Variants in FAM184B observed in about 807,000 individuals in gnomAD.
FAM184B encodes the protein family with sequence similarity 184 member B.
Under a neutral mutation model 135.9 loss-of-function variants are expected in FAM184B, and 111 were observed. The observed-to-expected ratio is 0.82, with a 90% CI of 0.70 to 0.96. The LOEUF (loss-of-function observed/expected upper bound fraction) is 0.96, where lower values mean the gene tolerates loss of function less well. FAM184B is among the 40% of genes least tolerant of loss of function. The pLI, the probability that FAM184B is intolerant of heterozygous loss-of-function variation, is 0.00. For missense variants in FAM184B, 1,375 were observed against 1,323.9 expected (o/e 1.04, Z -0.60); for synonymous variants, 552 against 524.8 (o/e 1.05, Z -0.71).
At chr4:17,700,256 A>G (rs1560179795) in intron 5 of FAM184B, among the ~76,000 whole-genome samples, 1 of 152,188 alleles carries the variant, frequency 6.6e-6, no homozygotes, top group African/African-American at 2.4e-5. Context: ...AATCTGTATA[A>G]AAAAGGATCC....
intron 7 of FAM184B, among the ~76,000 whole-genome samples, chr4:17,687,964 C>T (rs1406829204): frequency 6.6e-6 from 1 of 152,120 alleles, no homozygotes; most frequent in South Asian, 2.1e-4. Context: ...CAAACAGGAA[C>T]CAGTTTCTAC....
intron 1 of FAM184B, among the ~76,000 whole-genome samples, chr4:17,765,859 A>T (rs537606540): frequency 3.3e-5 from 5 of 151,860 alleles, no homozygotes; most frequent in South Asian, 2.1e-4. Context: ...CCTTCTGGAG[A>T]GTTCGGGGTC....
At chr4:17,636,010 G>T (rs920232210) in intron 15 of FAM184B, among the ~76,000 whole-genome samples, 5 of 150,928 alleles carry the variant, frequency 3.3e-5, no homozygotes, top group African/African-American at 1.2e-4. Flanking sequence ...ATTAACATGG[G>T]GCAAATGCTG....
At chr4:17,685,921 C>T (rs1029131068) in intron 7 of FAM184B, among the ~76,000 whole-genome samples, 12 of 152,276 alleles carry the variant, frequency 7.9e-5, no homozygotes, top group Middle Eastern at 3.4e-3. Context: ...AGCCCTGGAA[C>T]ATACCTAGAA....
chr4:17,776,671 C>T lies in FAM184B; in HGVS notation c.141+4488G>A, dbSNP rs1429557244. ...CCTCCCAAAGTGCTGGGATTACAGG[C>T]GTGAGCCACTGTGCCCGGCCAGTTA... On this transcript the variant is annotated intron_variant, in intron 1 of 17. Coordinates refer to ENST00000265018, the MANE Select transcript of FAM184B (RefSeq NM_015688.2). Among the ~76,000 whole-genome samples the T allele has an allele frequency of 3.9e-5, 6 of 152,108 alleles. No individual in the cohort carries two copies. The East Asian group carries it at 9.6e-4, about 24-fold the overall frequency.
intron 11 of FAM184B, among the ~76,000 whole-genome samples, chr4:17,651,968 C>T (rs944914823): frequency 1.3e-5 from 2 of 151,848 alleles, no homozygotes; most frequent in African/African-American, 4.8e-5. Context: ...TCCAATTTGC[C>T]GAAATCTTCA....
At chr4:17,673,617 A>G (rs1291870011) in intron 7 of FAM184B, among the ~76,000 whole-genome samples, 1 of 152,204 alleles carries the variant, frequency 6.6e-6, no homozygotes, top group Non-Finnish European at 1.5e-5. Context: ...ATTCACAGTG[A>G]CCTGGATGAG....
intron 8 of FAM184B, among the ~76,000 whole-genome samples, chr4:17,661,552 T>TCAAA (rs920572766): frequency 2.6e-5 from 4 of 152,174 alleles, no homozygotes; most frequent in Non-Finnish European, 4.4e-5. Context: ...AAACTCCACC[T>TCAAA]CAAACAAACA....
intron 1 of FAM184B, among the ~76,000 whole-genome samples, chr4:17,742,383 A>G (rs1256624255): frequency 6.6e-6 from 1 of 152,012 alleles, no homozygotes; most frequent in Non-Finnish European, 1.5e-5. Flanking sequence ...GCAGGGATCC[A>G]TGATCACACC....
At chr4:17,639,852 G>T (rs1361508015) in intron 13 of FAM184B, among the ~76,000 whole-genome samples, 1 of 151,116 alleles carries the variant, frequency 6.6e-6, no homozygotes, top group African/African-American at 2.4e-5. Context: ...TTTTGAGACG[G>T]AGTCTTGCTC....
chr4:17,666,544 G>C (rs1374760191), intron 7 of FAM184B, among the ~76,000 whole-genome samples: 1 of 121,776 alleles, frequency 8.2e-6, no homozygotes, highest in African/African-American at 3.3e-5. Flanking sequence ...AGCTGGTCTT[G>C]AACTCCTGAA....
At chr4:17,741,120 G>A (rs1042273410) in intron 1 of FAM184B, among the ~76,000 whole-genome samples, 53 of 152,142 alleles carry the variant, frequency 3.5e-4, no homozygotes, top group Admixed American at 3.3e-3. Context: ...GGAATACGAT[G>A]TGCTTTAAAC....
intron 7 of FAM184B, among the ~76,000 whole-genome samples, chr4:17,685,198 T>TAA (rs56051873): frequency 3.9e-5 from 4 of 103,530 alleles, no homozygotes; most frequent in Non-Finnish European, 6.1e-5. Context: ...CCCTGGAACT[T>TAA]AAAAAAAAAA....
At chr4:17,662,407 G>A (rs1352566988) in intron 8 of FAM184B, among the ~76,000 whole-genome samples, 2 of 151,710 alleles carry the variant, frequency 1.3e-5, no homozygotes, top group Admixed American at 6.6e-5. Flanking sequence ...GCACAATCTC[G>A]GCTCGCTGCA....
At chr4:17,770,399 T>G (rs1718788663) in intron 1 of FAM184B, among the ~76,000 whole-genome samples, 1 of 152,156 alleles carries the variant, frequency 6.6e-6, no homozygotes, top group Non-Finnish European at 1.5e-5. Flanking sequence ...ACTCATTTTG[T>G]TTATGAGGTA....
chr4:17,644,456 AG>A lies in FAM184B; in HGVS notation c.2347-2229del, dbSNP rs575601886. Among the ~76,000 whole-genome samples the A allele has an allele frequency of 5.2e-4, 79 of 152,370 alleles. 2 individuals carry two copies. The South Asian group carries it at 6.8e-3, about 13-fold the overall frequency. The stretch of plus-strand genomic sequence containing the variant: ...ATACACAAATCAATAAACATAATCC[AG>A]CATATAAACAGAACCAACGACAAAA... On this transcript the variant is annotated intron_variant, in intron 12 of 17. Transcript: ENST00000265018.
intron 6 of FAM184B, among the ~76,000 whole-genome samples, chr4:17,692,319 G>T (rs1263870212): frequency 1.3e-5 from 2 of 152,164 alleles, no homozygotes; most frequent in Non-Finnish European, 2.9e-5. Context: ...CAGAACAGAA[G>T]CCTCTATCCC....
chr4:17,684,266 G>GA (rs781596751), intron 7 of FAM184B, among the ~76,000 whole-genome samples: 4 of 148,634 alleles, frequency 2.7e-5, no homozygotes, highest in East Asian at 1.9e-4. Flanking sequence ...ATCATTTATA[G>GA]AAAAAACTCC....
Sources: allele counts gnomAD v4.1 joint callset (sites outside exome capture counted in the v4.1 genomes callset), GRCh38; gene constraint gnomAD v4.1.1; transcripts MANE v1.5; gene names NCBI Gene and HGNC (gene_info 2026-07-23, HGNC 2026-07-21).